The following SPECC1L variants were observed in gnomAD, a reference collection of about 807,000 sequenced individuals.
The protein encoded by SPECC1L is sperm antigen with calponin homology and coiled-coil domains 1 like.
In SPECC1L, 40 loss-of-function variants were observed where a neutral mutation model predicts 116.8. The observed-to-expected ratio is 0.34, with a 90% CI of 0.27 to 0.45. The LOEUF (loss-of-function observed/expected upper bound fraction) is 0.45. SPECC1L is among the 20% of genes least tolerant of loss of function. SPECC1L has a pLI of 1.00. For missense variants in SPECC1L, 1,110 were observed against 1,373.6 expected (o/e 0.81, Z 3.03); for synonymous variants, 504 against 500.6 (o/e 1.01, Z -0.09).
chr22:24,407,017 G>A (rs1005620341), intron 14 of SPECC1L, among the ~76,000 whole-genome samples: 59 of 152,314 alleles, frequency 3.9e-4, no homozygotes, highest in African/African-American at 1.4e-3. Context: ...CTCTGTGGAT[G>A]GGGGAGGAAG....
chr22:24,359,248 C>G (rs2041595449), intron 11 of SPECC1L, among the ~76,000 whole-genome samples: 1 of 152,170 alleles, frequency 6.6e-6, no homozygotes, highest in South Asian at 2.1e-4. Context: ...GTATTAATTG[C>G]TCTGACCAAG....
chr22:24,336,654 C>A (rs973946269), intron 9 of SPECC1L, among the ~76,000 whole-genome samples: 5 of 152,066 alleles, frequency 3.3e-5, no homozygotes, highest in African/African-American at 1.2e-4. Context: ...AAATTATACA[C>A]CTATTCAAAA....
intron 14 of SPECC1L, among the ~76,000 whole-genome samples, chr22:24,380,378 A>G (rs1601315855): frequency 6.6e-6 from 1 of 152,170 alleles, no homozygotes; most frequent in South Asian, 2.1e-4. Context: ...ACACTTGACT[A>G]GTTTATGAGA....
intron 14 of SPECC1L, among the ~76,000 whole-genome samples, chr22:24,382,893 AAAT>A (rs137932957): frequency 0.024 from 3,707 of 152,156 alleles, 174 homozygotes; most frequent in African/African-American, 0.085. Context: ...CTCTTTGGGA[AAAT>A]AAAGAGAAAG....
chr22:24,289,111 C>T (rs373945398), intron 2 of SPECC1L, among the ~76,000 whole-genome samples: 1 of 152,190 alleles, frequency 6.6e-6, no homozygotes, highest in East Asian at 1.9e-4. Flanking sequence ...CAAGTTTAAA[C>T]TGCCTGCCAA....
At chr22:24,280,917 C>T (rs1166604484) in intron 2 of SPECC1L, among the ~76,000 whole-genome samples, 3 of 151,976 alleles carry the variant, frequency 2.0e-5, no homozygotes, top group Non-Finnish European at 2.9e-5. Flanking sequence ...TTCCCCCAAC[C>T]ATTTAAAAAT....
At chr22:24,403,571 T>C (rs2042524199) in intron 14 of SPECC1L, among the ~76,000 whole-genome samples, 1 of 152,030 alleles carries the variant, frequency 6.6e-6, no homozygotes, top group Non-Finnish European at 1.5e-5. Context: ...GCTGTCTCTG[T>C]AGGAATCAGG....
intron 3 of SPECC1L, among the ~76,000 whole-genome samples, chr22:24,303,727 A>G (rs1399688508): frequency 6.6e-6 from 1 of 152,148 alleles, no homozygotes; most frequent in Admixed American, 6.6e-5. Flanking sequence ...GTTGCTGGGA[A>G]TTTGGTCTTG....
intron 9 of SPECC1L, 63 bp downstream of exon 9, chr22:24,334,636 C>T: frequency 1.3e-6 from 2 of 1,565,740 alleles, no homozygotes; most frequent in Non-Finnish European, 1.8e-6. Flanking sequence ...CTTATATTCT[C>T]TGGTCTGATT....
chr22:24,302,367 G>T lies in SPECC1L; in HGVS notation c.136G>T (p.Ala46Ser). 3 of 1,614,162 alleles carry T rather than the reference G, an allele frequency of 1.9e-6. No individual in the cohort carries two copies. The highest frequency in any genetic ancestry group is 2.5e-6 in the Non-Finnish European group (3 of 1,180,028). Residue 46 changes from alanine to serine, a missense_variant, in exon 3 of 17, where the codon GCA becomes TCA. Physicochemically the swap from Ala to Ser is moderately conservative, Grantham distance 99 (BLOSUM62 1). Around this residue, in one of 4 missense-constraint regions of SPECC1L, gnomAD observed 437 missense variants for 482.6 expected, o/e 0.91. Coordinates refer to ENST00000314328, the MANE Select transcript of SPECC1L (RefSeq NM_015330.6). ...TGGKLVKPGT[A>S]ASLSKTKSSD... Reference sequence around the variant, plus strand: ...AGGCAAACTTGTAAAACCTGGAACAGCAGCATCATTGTCAAAGGTATTCAT... The same window carrying T: ...AGGCAAACTTGTAAAACCTGGAACATCAGCATCATTGTCAAAGGTATTCAT...
At chr22:24,304,789 A>G (rs574387036) in intron 3 of SPECC1L, among the ~76,000 whole-genome samples, 18 of 152,380 alleles carry the variant, frequency 1.2e-4, no homozygotes, top group African/African-American at 3.6e-4. Context: ...TGTATGAACA[A>G]TCCTCCTCGG....
At chr22:24,358,264 A>G (rs1279420663) in intron 11 of SPECC1L, among the ~76,000 whole-genome samples, 1 of 151,448 alleles carries the variant, frequency 6.6e-6, no homozygotes, top group African/African-American at 2.4e-5. Flanking sequence ...ACAGGTGTGC[A>G]CCACCATGTC....
intron 11 of SPECC1L, among the ~76,000 whole-genome samples, chr22:24,359,322 C>T (rs1213235147): frequency 3.9e-5 from 6 of 152,138 alleles, no homozygotes; most frequent in African/African-American, 9.7e-5. Context: ...CTTACAGTTT[C>T]GAAACAAAAT....
intron 14 of SPECC1L, 137 bp from the exon 15 acceptor site, chr22:24,411,451 G>T: frequency 1.2e-6 from 1 of 806,964 alleles, no homozygotes; most frequent in African/African-American, 1.7e-5. Flanking sequence ...GTAGCCCTTG[G>T]ACACAGCCGC....
At chr22:24,311,804 CAAAAAAAAAAAAAA>C (rs915422222) in intron 3 of SPECC1L, among the ~76,000 whole-genome samples, 3 of 46,568 alleles carry the variant, frequency 6.4e-5, no homozygotes, top group African/African-American at 1.8e-4. Flanking sequence ...GACTTTGTCT[CAAAAAAAAAAAAAA>C]AAAAAAAAAA....
chr22:24,396,896 AAAT>A (rs1305648476), intron 14 of SPECC1L, among the ~76,000 whole-genome samples: 1 of 152,150 alleles, frequency 6.6e-6, no homozygotes, highest in Non-Finnish European at 1.5e-5. Flanking sequence ...AAACCCAAAA[AAAT>A]AAGCATGGGG....
chr22:24,317,736 C>T (rs1378697530), intron 4 of SPECC1L, among the ~76,000 whole-genome samples: 2 of 150,610 alleles, frequency 1.3e-5, no homozygotes, highest in Non-Finnish European at 2.9e-5. Flanking sequence ...GGGGTGGCTG[C>T]CGGGCGGAGG....
At chr22:24,312,263 C>T (rs1483904024) in intron 3 of SPECC1L, among the ~76,000 whole-genome samples, 1 of 152,126 alleles carries the variant, frequency 6.6e-6, no homozygotes, top group African/African-American at 2.4e-5. Flanking sequence ...GCCACTGTGC[C>T]CAGCCTTTTC....
At position 24,322,198 on chromosome 22, in the gene SPECC1L, C is replaced by T. The variant is rs1307962377; in HGVS notation, c.1218C>T (p.Asn406=). ...LTERIHQMEE[N]QHSTSEELQA... is the part of the protein sequence containing the mutation. ...AACGGATACACCAGATGGAAGAGAA[C>T]CAACACAGTACAAGTGAGGAACTCC... Residue 406 remains asparagine, a synonymous_variant, in exon 5 of 17, where the codon AAC becomes AAT. Coordinates refer to ENST00000314328, the MANE Select transcript of SPECC1L (RefSeq NM_015330.6). 1 of 1,614,076 alleles carries T rather than the reference C, an allele frequency of 6.2e-7. No individual in the cohort carries two copies. Among genetic ancestry groups the T allele is most frequent in the Non-Finnish European group, 8.5e-7 (1 of 1,180,042 alleles).
Sources: allele counts gnomAD v4.1 joint callset (sites outside exome capture counted in the v4.1 genomes callset), GRCh38; gene constraint gnomAD v4.1.1; regional missense constraint gnomAD v4.1.1; transcripts MANE v1.5; gene names NCBI Gene and HGNC (gene_info 2026-07-23, HGNC 2026-07-21).